Variants in CIZ1 observed in about 807,000 individuals in gnomAD.
The protein encoded by CIZ1 is cip1-interacting zinc finger protein.
In CIZ1, 58 loss-of-function variants were observed where a neutral mutation model predicts 118.6. The observed-to-expected ratio is 0.49, with a 90% confidence interval of 0.40 to 0.61. The LOEUF (loss-of-function observed/expected upper bound fraction) is 0.61, where lower values mean the gene tolerates loss of function less well. CIZ1 is among the 20% of genes least tolerant of loss of function. The pLI is 0.00. For synonymous variants in CIZ1, 448 were observed against 443.4 expected, an observed-to-expected ratio of 1.01 and a Z score of -0.13; for missense variants, 921 against 1,115.9, an observed-to-expected ratio of 0.83 and a Z score of 2.49.
rs775141916 is a variant in CIZ1, at chr9:128,190,318, G to A, written c.286+11C>T. 3 of 1,590,228 alleles carry A rather than the reference G, an allele frequency of 1.9e-6. No individual in the cohort carries two copies. Among genetic ancestry groups the A allele is most frequent in the African/African-American group, 2.7e-5 (2 of 74,390 alleles). ...AAAAGAGACTGAGAAGAGGCCTGGG[G>A]CCATCCATACCTTGCAACTGCTGTA... is the stretch of plus-strand genomic sequence containing the variant. On this transcript the variant is annotated intron_variant, in intron 3 of 16. Coordinates refer to ENST00000372938, the MANE Select transcript of CIZ1 (RefSeq NM_001131016.2).
In CIZ1 at chr9:128,166,624, C is replaced by T. The variant is rs1829461153; in HGVS notation, c.2487+135G>A. ...CCAACCCCACCCCAGCTCTAATTCT[C>T]TCCCTGTTGGTGCAGGGGTGGTGCC... On this transcript the variant is annotated intron_variant, in intron 16 of 16. Coordinates refer to ENST00000372938, the MANE Select transcript of CIZ1 (RefSeq NM_001131016.2). This position sits in a 1 kb window ranked among gnomAD's most constrained non-coding sequence, Gnocchi z 4.4. 3.3e-6 allele frequency: 4 copies of T among 1,203,622 alleles called. No homozygotes were observed. In the South Asian group the frequency reaches 4.1e-5, roughly 12 times the overall value. The allele number at this position is 1,203,622 out of a possible 1,614,324, so 74.6% of individuals were successfully genotyped here.
At chr9:128,173,519 C>T (rs1830426352) in intron 11 of CIZ1, among the ~76,000 whole-genome samples, 1 of 151,960 alleles carries the variant, frequency 6.6e-6, no homozygotes, top group Admixed American at 6.6e-5. Flanking sequence ...CTCAAGCAAT[C>T]CCCCCACCTC....
chr9:128,176,278 G>C, intron 11 of CIZ1, 73 bp downstream of exon 11: 1 of 1,571,202 alleles, frequency 6.4e-7, no homozygotes, highest in Non-Finnish European at 8.7e-7. Flanking sequence ...AAACCCTGCA[G>C]ATGGTAGATT....
chr9:128,172,543 T>C (rs193212900), intron 11 of CIZ1, among the ~76,000 whole-genome samples: 2 of 152,228 alleles, frequency 1.3e-5, no homozygotes, highest in Admixed American at 1.3e-4. Context: ...GGACTCTCTA[T>C]AAAATATGCA....
chr9:128,166,783 G>A lies in CIZ1; in HGVS notation c.2463C>T (p.Ser821=). 1 of 1,614,206 alleles carries A rather than the reference G, an allele frequency of 6.2e-7. No individual in the cohort carries two copies. The highest frequency in any genetic ancestry group is 2.2e-5 in the East Asian group (1 of 44,884). The change falls in exon 16 of 17, where the codon TCC becomes TCT. Residue 821 remains serine (S), a synonymous_variant. Coordinates refer to ENST00000372938, the MANE Select transcript of CIZ1 (RefSeq NM_001131016.2). The surrounding 1 kb of genome is among the most constrained non-coding windows in gnomAD (Gnocchi z 4.4). ...CCTGCAGGTTCTCAAAGTGGCCCAG[G>A]GACTTGCAGTGGGAGAGCTGTGCCC... ...NSGAQLSHCK[S]LGHFENLQKY...
intron 11 of CIZ1, among the ~76,000 whole-genome samples, chr9:128,174,440 A>C (rs1830613462): frequency 6.6e-6 from 1 of 152,124 alleles, no homozygotes; most frequent in Admixed American, 6.5e-5. Context: ...CTCTCTAAGA[A>C]ATGGTATCCC....
At chr9:128,179,702 C>T (rs750681761) in intron 7 of CIZ1, among the ~76,000 whole-genome samples, 20 of 151,880 alleles carry the variant, frequency 1.3e-4, no homozygotes, top group Non-Finnish European at 2.5e-4. Flanking sequence ...GATGGAGTTT[C>T]GCTCTTGTTG....
At chr9:128,175,406 G>A (rs961248844) in intron 11 of CIZ1, among the ~76,000 whole-genome samples, 2 of 152,074 alleles carry the variant, frequency 1.3e-5, no homozygotes, top group South Asian at 2.1e-4. Flanking sequence ...ACTCAAGGAC[G>A]CTCTTCTCAA....
Position 128,169,846 on chromosome 9 carries a change from G to A in CIZ1, c.2031+174C>T, listed in dbSNP as rs926551772. 9.6e-6 allele frequency: 10 copies of A among 1,041,528 alleles called. No homozygotes were observed. The Admixed American group carries it at 1.5e-4, about 16-fold the overall frequency. The allele number at this position is 1,041,528 out of a possible 1,614,324, so 64.5% of individuals were successfully genotyped here. ...GGGCCTGGCCTACACTGGACAGATG[G>A]GGAACCTGAAGCCCGAAGAAGAAAC... is the stretch of plus-strand genomic sequence containing the variant. On this transcript the variant is annotated intron_variant, in intron 12 of 16. Transcript: ENST00000372938.
At chr9:128,173,640 G>T (rs983435079) in intron 11 of CIZ1, among the ~76,000 whole-genome samples, 1 of 152,150 alleles carries the variant, frequency 6.6e-6, no homozygotes, top group Non-Finnish European at 1.5e-5. Flanking sequence ...ATGAAGAAAG[G>T]GGGTGGGGAG....
chr9:128,192,032 TC>T (rs1364475444), upstream of CIZ1: 3 of 767,066 alleles, frequency 3.9e-6, no homozygotes, highest in Non-Finnish European at 5.6e-6. Flanking sequence ...AGAGTCCCCC[TC>T]CAAGTCTTTT....
intron 3 of CIZ1, 93 bp downstream of exon 3, chr9:128,190,236 C>T: frequency 1.2e-6 from 1 of 864,556 alleles, no homozygotes; most frequent in South Asian, 1.5e-5. Context: ...AGCTCCCTCT[C>T]AGGGTGGCTG....
Position 128,178,990 on chromosome 9 carries a change from T to C in CIZ1, c.1217A>G (p.Gln406Arg). 3 of 1,613,010 alleles carry C rather than the reference T, an allele frequency of 1.9e-6. No homozygotes were observed. Among genetic ancestry groups the C allele is most frequent in the Non-Finnish European group, 2.5e-6 (3 of 1,179,834 alleles). ...EAEPLKQVQP[Q>R]VQPQAHSQPP... is the part of the protein sequence containing the mutation. Reference sequence around the variant, plus strand: ...CTGTGAATGTGCCTGGGGCTGCACCTGTGGCTGCACCTGCTTCAGCGGCTC... The same window carrying C: ...CTGTGAATGTGCCTGGGGCTGCACCCGTGGCTGCACCTGCTTCAGCGGCTC... The change falls in exon 8 of 17, where the codon CAG becomes CGG. Residue 406 changes from glutamine to arginine, a missense_variant. Physicochemically the swap from Gln to Arg is conservative, Grantham distance 43. Transcript: ENST00000372938.
intron 4 of CIZ1, among the ~76,000 whole-genome samples, chr9:128,186,480 A>G (rs1274957740): frequency 6.6e-6 from 1 of 150,468 alleles, no homozygotes; most frequent in African/African-American, 2.5e-5. Context: ...CCCCACTCCC[A>G]CTCCCTGCCT....
At position 128,190,770 on chromosome 9, in the gene CIZ1, A is replaced by G; in HGVS notation, c.88T>C (p.Leu30=). The G allele has an allele frequency of 3.9e-6, 6 of 1,537,648 alleles. No individual in the cohort carries two copies. The highest frequency in any genetic ancestry group is 5.3e-6 in the Non-Finnish European group (6 of 1,139,116). Residue 30 remains leucine, a synonymous_variant, in exon 2 of 17, where the codon TTG becomes CTG. Coordinates refer to ENST00000372938, the MANE Select transcript of CIZ1 (RefSeq NM_001131016.2). ...AGCTGCAGTAACTGCTGCTGCTGCA[A>G]TTGCTGCTGCTGGAGCTGCTGCTGC... ...LQQQQLQQQQ[L]QQQQLLQLQQ...
chr9:128,193,587 G>A (rs1216055577), upstream of CIZ1, among the ~76,000 whole-genome samples: 1 of 152,250 alleles, frequency 6.6e-6, no homozygotes, highest in African/African-American at 2.4e-5. Flanking sequence ...GGTGGCGGGC[G>A]CCTGTAATCT....
At chr9:128,198,897 A>C (rs2131048463) in intron 1 of CIZ1, among the ~76,000 whole-genome samples, 1 of 152,144 alleles carries the variant, frequency 6.6e-6, no homozygotes, top group South Asian at 2.1e-4. Flanking sequence ...CATCTCTGGG[A>C]GAAAACCATC....
chr9:128,179,886 G>T (rs1307975321), intron 7 of CIZ1, among the ~76,000 whole-genome samples: 1 of 150,936 alleles, frequency 6.6e-6, no homozygotes, highest in African/African-American at 2.4e-5. Flanking sequence ...TGGTCAGGTT[G>T]GTCTCAAACT....
intron 11 of CIZ1, among the ~76,000 whole-genome samples, chr9:128,172,114 C>T (rs1397763762): frequency 2.1e-4 from 28 of 130,706 alleles, no homozygotes; most frequent in African/African-American, 7.9e-4. Context: ...CACCACTACG[C>T]TCCAGCCTGG....
Sources: allele counts gnomAD v4.1 joint callset (sites outside exome capture counted in the v4.1 genomes callset), GRCh38; gene constraint gnomAD v4.1.1; non-coding constraint Gnocchi (gnomAD v3.1); transcripts MANE v1.5; gene names NCBI Gene and HGNC (gene_info 2026-07-23, HGNC 2026-07-21).